BTAF1: variants seen among roughly 807,000 people sequenced by gnomAD.
BTAF1 encodes TATA-binding protein-associated factor 172.
BTAF1 carries 38 observed loss-of-function variants against 227.1 expected under a neutral mutation model. That is an observed-to-expected ratio of 0.17 (90% CI 0.13 to 0.22). The LOEUF (loss-of-function observed/expected upper bound fraction) is 0.22, where lower values mean the gene tolerates loss of function less well. Among genes scored for constraint, BTAF1 ranks in the 10% least tolerant of loss-of-function variants. BTAF1 has a pLI of 1.00. For synonymous variants in BTAF1, 742 were observed against 751.9 expected (o/e 0.99, Z 0.21); for missense variants, 1,598 against 2,204.0 (o/e 0.73, Z 5.51).
chr10:91,997,947 T>TA (rs1218621411), intron 25 of BTAF1, among the ~76,000 whole-genome samples, 196 bp downstream of exon 25: 14 of 151,068 alleles, frequency 9.3e-5, no homozygotes, highest in South Asian at 4.2e-4. Flanking sequence ...CTGTCTCTAC[T>TA]AAAAAAAATA....
intron 2 of BTAF1, among the ~76,000 whole-genome samples, chr10:91,938,257 A>T (rs184748933): frequency 6.6e-6 from 1 of 152,320 alleles, no homozygotes; most frequent in Admixed American, 6.5e-5. Flanking sequence ...TGATTTGGAA[A>T]TATACTCTTC....
intron 20 of BTAF1, 121 bp downstream of exon 20, chr10:91,989,701 G>T: frequency 1.0e-6 from 1 of 960,464 alleles, no homozygotes; most frequent in Non-Finnish European, 1.5e-6. Context: ...CATTCTGAGA[G>T]AAAAGGCTTG....
At chr10:92,008,754 G>T (rs1175125829) in intron 26 of BTAF1, 75 bp from the exon 27 acceptor site, 50 of 1,368,712 alleles carry the variant, frequency 3.7e-5, no homozygotes, top group Non-Finnish European at 4.4e-5. Context: ...TGCAAACGTT[G>T]TTTATAAGAA....
In BTAF1 at chr10:91,935,765, T is replaced by C; in HGVS notation, c.123T>C (p.Asn41=). ...EVVKLHPHEL[N]NLLSKVLIYL... The stretch of plus-strand genomic sequence containing the variant: ...TGAAGCTTCATCCCCATGAACTAAA[T>C]AATCTCCTGTCTAAAGTAAGAACTT... Residue 41 remains asparagine, a synonymous_variant, in exon 2 of 38, where the codon AAT becomes AAC. Coordinates refer to ENST00000265990, the MANE Select transcript of BTAF1 (RefSeq NM_003972.3). 1 of 1,610,682 alleles carries C rather than the reference T, an allele frequency of 6.2e-7. No homozygotes were observed. The highest frequency in any genetic ancestry group is 1.1e-5 in the South Asian group (1 of 90,436).
intron 28 of BTAF1, among the ~76,000 whole-genome samples, chr10:92,009,702 C>G (rs891041586): frequency 6.6e-6 from 1 of 152,138 alleles, no homozygotes; most frequent in Non-Finnish European, 1.5e-5. Context: ...TTGCTTTGTT[C>G]CCTTTCCTTC....
Position 92,002,736 on chromosome 10 carries a change from A to G in BTAF1, c.3660+4985A>G, listed in dbSNP as rs1426426717. On this transcript the variant is annotated intron_variant, in intron 25 of 37. Coordinates refer to ENST00000265990, the MANE Select transcript of BTAF1 (RefSeq NM_003972.3). ...CTATTTTTAGTGTTGTGTGGAATAT[A>G]TATTTTAATTAGATTTAATTGAAAT... 2.0e-5 allele frequency among the ~76,000 whole-genome samples: 3 copies of G among 152,300 alleles called. No individual in the cohort carries two copies. In the East Asian group the frequency reaches 5.8e-4, roughly 29 times the overall value.
intron 1 of BTAF1, among the ~76,000 whole-genome samples, chr10:91,929,532 G>A (rs1037184199): frequency 2.6e-5 from 4 of 152,152 alleles, no homozygotes; most frequent in African/African-American, 9.7e-5. Flanking sequence ...TTTTCTCTTT[G>A]CACTGTTGAT....
chr10:91,993,899 A>T, intron 22 of BTAF1, 52 bp downstream of exon 22: 1 of 1,376,454 alleles, frequency 7.3e-7, no homozygotes, highest in South Asian at 1.6e-5. Flanking sequence ...AATGTCTATT[A>T]ATTGAATATA....
chr10:92,024,746 T>TC lies in BTAF1; in HGVS notation c.4864-9dup. 1.3e-6 allele frequency: 2 copies of TC among 1,576,496 alleles called. No homozygotes were observed. Among genetic ancestry groups the TC allele is most frequent in the African/African-American group, 1.4e-5 (1 of 72,782 alleles). ...ACGCTTATGTAGTTTTTTTTTTTTTTCTTCCTAAGTTGCTGTTGGACTGCG... is the reference window on the plus strand; with the variant it reads ...ACGCTTATGTAGTTTTTTTTTTTTTTCCTTCCTAAGTTGCTGTTGGACTGCG... On this transcript the variant is annotated splice_polypyrimidine_tract_variant and intron_variant, in intron 34 of 37. Coordinates refer to ENST00000265990, the MANE Select transcript of BTAF1 (RefSeq NM_003972.3).
intron 2 of BTAF1, among the ~76,000 whole-genome samples, chr10:91,938,505 C>G (rs939385213): frequency 6.6e-6 from 1 of 152,210 alleles, no homozygotes; most frequent in Non-Finnish European, 1.5e-5. Flanking sequence ...TATCCCACCA[C>G]CGTTTGTTGA....
rs552106437 is a variant in BTAF1, at chr10:91,924,986, A to C, written c.14+896A>C. 3.3e-5 allele frequency among the ~76,000 whole-genome samples: 5 copies of C among 152,338 alleles called. No individual in the cohort carries two copies. The East Asian group carries it at 9.6e-4, about 29-fold the overall frequency. Reference sequence around the variant, plus strand: ...ACCATATAGACTGAAGGAATAAATGATGAAAACAAATAGTTTTCATTTTTT... The same window carrying C: ...ACCATATAGACTGAAGGAATAAATGCTGAAAACAAATAGTTTTCATTTTTT... On this transcript the variant is annotated intron_variant, in intron 1 of 37. Transcript: ENST00000265990.
chr10:91,930,613 A>G (rs537658415), intron 1 of BTAF1, among the ~76,000 whole-genome samples: 12 of 152,330 alleles, frequency 7.9e-5, no homozygotes, highest in Admixed American at 2.0e-4. Flanking sequence ...CCTAGAAAGT[A>G]TATGTTTAAA....
chr10:91,924,233 C>A, intron 1 of BTAF1, 143 bp downstream of exon 1: 2 of 1,182,672 alleles, frequency 1.7e-6, no homozygotes, highest in Non-Finnish European at 1.1e-6. Flanking sequence ...GAGTTCGCCC[C>A]GTGGTCGGCG....
At chr10:91,997,195 A>G (rs780740969) in intron 24 of BTAF1, 163 of 1,250,034 alleles carry the variant, frequency 1.3e-4, no homozygotes, top group Non-Finnish European at 1.7e-4. Context: ...CCTGCTGGTG[A>G]TTGTCAAGAT....
chr10:92,026,592 G>A lies in BTAF1; in HGVS notation c.5076G>A (p.Arg1692=), dbSNP rs1851533377. 2 of 1,607,448 alleles carry A rather than the reference G, an allele frequency of 1.2e-6. No homozygotes were observed. The highest frequency in any genetic ancestry group is 1.7e-6 in the Non-Finnish European group (2 of 1,176,276). Reference sequence around the variant, plus strand: ...TTTTATTTTTGTTATCTACTTTTAGGTTTAATAATGATCCATCTATAGACG... The same window carrying A: ...TTTTATTTTTGTTATCTACTTTTAGATTTAATAATGATCCATCTATAGACG... ...PPGQRHSIVS[R]FNNDPSIDVL... The change falls in exon 36 of 38, where the codon CGG becomes CGA. Residue 1692 remains arginine, a splice_region_variant and synonymous_variant. Coordinates refer to ENST00000265990, the MANE Select transcript of BTAF1 (RefSeq NM_003972.3).
chr10:91,987,984 T>G (rs776615330), intron 19 of BTAF1, among the ~76,000 whole-genome samples: 2 of 152,188 alleles, frequency 1.3e-5, no homozygotes, highest in African/African-American at 2.4e-5. Flanking sequence ...CCACAGACAG[T>G]GTCCTGTTTT....
intron 1 of BTAF1, among the ~76,000 whole-genome samples, chr10:91,933,477 A>G (rs61874757): frequency 3.9e-5 from 6 of 152,208 alleles, no homozygotes; most frequent in Admixed American, 1.3e-4. Flanking sequence ...TATTCTCCCG[A>G]TATTCATATT....
chr10:91,995,722 C>T (rs1849098930), intron 23 of BTAF1, among the ~76,000 whole-genome samples: 1 of 152,020 alleles, frequency 6.6e-6, no homozygotes, highest in Admixed American at 6.6e-5. Context: ...TCTGTACGCT[C>T]TTAATCTTCA....
Position 91,996,576 on chromosome 10 carries a change from C to T in BTAF1, c.3511+6C>T, listed in dbSNP as rs1157317147. The T allele has an allele frequency of 1.2e-6, 2 of 1,612,748 alleles. No individual in the cohort carries two copies. Among genetic ancestry groups the T allele is most frequent in the East Asian group, 2.2e-5 (1 of 44,884 alleles). ...TGCAATTGAAGCACTTGCCTGTATC[C>T]TTTTTCATTTGACAAACTGTTCAGG... On this transcript the variant is annotated splice_donor_region_variant and intron_variant, in intron 24 of 37. Coordinates refer to ENST00000265990, the MANE Select transcript of BTAF1 (RefSeq NM_003972.3).
Sources: allele counts gnomAD v4.1 joint callset (sites outside exome capture counted in the v4.1 genomes callset), GRCh38; gene constraint gnomAD v4.1.1; transcripts MANE v1.5; gene names NCBI Gene and HGNC (gene_info 2026-07-23, HGNC 2026-07-21).